The following TNPO3 variants were observed in gnomAD, a reference collection of about 807,000 sequenced individuals.
The protein encoded by TNPO3 is transportin 3.
A neutral mutation model predicts 122.8 loss-of-function variants in TNPO3; 65 were observed. The ratio of observed to expected loss-of-function variants is 0.53; its 90% CI spans 0.43 to 0.65. The LOEUF (loss-of-function observed/expected upper bound fraction) is 0.65, where lower values mean the gene tolerates loss of function less well. Among genes scored for constraint, TNPO3 ranks in the 30% least tolerant of loss-of-function variants. TNPO3 has a pLI of 0.00. For missense variants in TNPO3, 850 were observed against 1,136.7 expected, an observed-to-expected ratio of 0.75 and a Z score of 3.63; for synonymous variants, 372 against 411.2, an observed-to-expected ratio of 0.90 and a Z score of 1.15.
At chr7:128,977,220 A>G (rs1799151665) in intron 16 of TNPO3, among the ~76,000 whole-genome samples, 1 of 152,172 alleles carries the variant, frequency 6.6e-6, no homozygotes, top group Admixed American at 6.5e-5. Flanking sequence ...TACCTACTCT[A>G]TTGGGTTAGT....
At chr7:129,024,409 A>T (rs1003276459) in intron 1 of TNPO3, among the ~76,000 whole-genome samples, 7 of 152,240 alleles carry the variant, frequency 4.6e-5, no homozygotes, top group Admixed American at 3.3e-4. Flanking sequence ...TGCTGATTTG[A>T]GCCCGCTCAA....
chr7:128,992,067 G>A lies in TNPO3; in HGVS notation c.1290C>T (p.Gly430=). The change falls in exon 10 of 23, where the codon GGC becomes GGT. Residue 430 remains glycine, a synonymous_variant. Coordinates refer to ENST00000265388, the MANE Select transcript of TNPO3 (RefSeq NM_012470.4). The part of the protein sequence containing the change: ...FAQLYSTLKE[G]NPPWEVTEAV... ...CTTCTGTCACCTCCCAGGGTGGGTT[G>A]CCTTCTTTCAGAGTAGAATATAACT... 1 of 1,606,222 alleles carries A rather than the reference G, an allele frequency of 6.2e-7. No homozygotes were observed. Among genetic ancestry groups the A allele is most frequent in the Non-Finnish European group, 8.5e-7 (1 of 1,176,088 alleles).
intron 1 of TNPO3, among the ~76,000 whole-genome samples, chr7:129,038,205 G>A (rs181432772): frequency 6.6e-6 from 1 of 152,266 alleles, no homozygotes; most frequent in Non-Finnish European, 1.5e-5. Flanking sequence ...AGAAGACATG[G>A]AGAGGTAGAG....
intron 21 of TNPO3, among the ~76,000 whole-genome samples, chr7:128,965,407 G>A (rs1797838996): frequency 6.6e-6 from 1 of 152,172 alleles, no homozygotes; most frequent in African/African-American, 2.4e-5. Context: ...GGTGTGAAAT[G>A]CTAAGATGGC....
chr7:129,033,852 G>T (rs964662249), intron 1 of TNPO3, among the ~76,000 whole-genome samples: 2 of 150,128 alleles, frequency 1.3e-5, no homozygotes, highest in African/African-American at 4.9e-5. Flanking sequence ...GGCCAAGGTT[G>T]CAGTGAACCA....
At chr7:129,035,950 C>CTTTTTTTTTTTTTTTTTT (rs71162551) in intron 1 of TNPO3, among the ~76,000 whole-genome samples, 1 of 119,938 alleles carries the variant, frequency 8.3e-6, no homozygotes, top group African/African-American at 3.0e-5. Context: ...CTTTTCTTTT[C>CTTTTTTTTTTTTTTTTTT]TTTTTTTTTT....
At position 128,975,941 on chromosome 7, in the gene TNPO3, G is replaced by A; in HGVS notation, c.2062-6C>T. ...ACGTGGTACACATTCACCATCTGTT[G>A]AGGGAAAAAACAATTAGTTCAATGC... On this transcript the variant is annotated splice_polypyrimidine_tract_variant and splice_region_variant and intron_variant, in intron 16 of 22. Transcript: ENST00000265388. 1 of 1,595,474 alleles carries A rather than the reference G, an allele frequency of 6.3e-7. No homozygotes were observed.
At chr7:129,039,387 C>T (rs1252879087) in intron 1 of TNPO3, among the ~76,000 whole-genome samples, 1 of 152,032 alleles carries the variant, frequency 6.6e-6, no homozygotes, top group Admixed American at 6.6e-5. Flanking sequence ...CATAGTGAAA[C>T]CCCATCTCTA....
At chr7:128,975,696 A>C in intron 17 of TNPO3, 123 bp downstream of exon 17, 4 of 670,164 alleles carry the variant, frequency 6.0e-6, no homozygotes, top group Non-Finnish European at 1.0e-5. Context: ...TGTTATTAGG[A>C]AATCAACATG....
chr7:128,961,428 C>G (rs368492856), intron 21 of TNPO3, among the ~76,000 whole-genome samples: 1 of 152,098 alleles, frequency 6.6e-6, no homozygotes, highest in African/African-American at 2.4e-5. Flanking sequence ...CTATATAGAC[C>G]AGGTGTCCGG....
In TNPO3 at chr7:129,018,022, A is replaced by C; in HGVS notation, c.256T>G (p.Leu86Val). The C allele has an allele frequency of 6.2e-7, 1 of 1,614,146 alleles. No homozygotes were observed. Among genetic ancestry groups the C allele is most frequent in the Non-Finnish European group, 8.5e-7 (1 of 1,180,012 alleles). The change falls in exon 2 of 23, where the codon TTA becomes GTA. Residue 86 changes from leucine (L) to valine (V), a missense_variant. By Grantham distance (32) the Leu-to-Val change is conservative. Coordinates refer to ENST00000265388, the MANE Select transcript of TNPO3 (RefSeq NM_012470.4). ...YELPTDSHAS[L>V]RDSLLTHIQN... ...ATATGGGTTAGCAATGAGTCCCGTA[A>C]AGAGGCATGAGAGTCTGTGGGGAGC...
chr7:128,992,706 AG>A (rs1800871500), intron 9 of TNPO3, among the ~76,000 whole-genome samples: 1 of 152,240 alleles, frequency 6.6e-6, no homozygotes, highest in African/African-American at 2.4e-5. Flanking sequence ...AGACACTGCT[AG>A]GAAAGGCAAA....
At position 129,000,411 on chromosome 7, in the gene TNPO3, G is replaced by A; in HGVS notation, c.1011+18C>T. ...CACAACTTGGAGAATAATGGCCTTT[G>A]AATAGCATAAACACTACCTCATATT... On this transcript the variant is annotated intron_variant, in intron 7 of 22. Coordinates refer to ENST00000265388, the MANE Select transcript of TNPO3 (RefSeq NM_012470.4). 2 of 1,590,442 alleles carry A rather than the reference G, an allele frequency of 1.3e-6. No individual in the cohort carries two copies. The highest frequency in any genetic ancestry group is 1.7e-6 in the Non-Finnish European group (2 of 1,166,720).
intron 15 of TNPO3, 101 bp downstream of exon 15, chr7:128,979,870 C>A: frequency 1.9e-6 from 2 of 1,039,750 alleles, no homozygotes; most frequent in East Asian, 4.8e-5. Flanking sequence ...CTGAATCTCC[C>A]TATGAACTTG....
chr7:128,991,383 C>T (rs888318834), intron 10 of TNPO3, among the ~76,000 whole-genome samples: 1 of 152,118 alleles, frequency 6.6e-6, no homozygotes, highest in South Asian at 2.1e-4. Context: ...CACAATTCAG[C>T]GTGGCAGATA....
intron 21 of TNPO3, among the ~76,000 whole-genome samples, chr7:128,964,017 A>G (rs758100659): frequency 1.5e-4 from 23 of 152,228 alleles, no homozygotes; most frequent in Non-Finnish European, 1.0e-4. Flanking sequence ...TTATAATAAA[A>G]CAGCTCTTTA....
intron 14 of TNPO3, among the ~76,000 whole-genome samples, chr7:128,981,469 T>C (rs1254667528): frequency 1.3e-5 from 2 of 152,160 alleles, no homozygotes; most frequent in East Asian, 3.9e-4. Context: ...ACCCATACAC[T>C]ATATACAGCG....
intron 6 of TNPO3, among the ~76,000 whole-genome samples, 164 bp from the exon 7 acceptor site, chr7:129,000,731 G>C (rs1801853231): frequency 6.6e-6 from 1 of 152,128 alleles, no homozygotes; most frequent in African/African-American, 2.4e-5. Flanking sequence ...CCTTTACCTA[G>C]ATCGTACACT....
chr7:128,979,990 C>T lies in TNPO3; in HGVS notation c.1901G>A (p.Cys634Tyr), dbSNP rs1421349497. Residue 634 changes from cysteine to tyrosine, a missense_variant, in exon 15 of 23, where the codon TGT becomes TAT. Cys to Tyr is a radical substitution (Grantham distance 194). Transcript: ENST00000265388. ...ACTTACTTCCTGTATGACTTTCTGA[C>T]ACGGATGAGTCTGTCCATTTTCCAC... ...PIVENGQTHP[C>Y]QKVIQEIWPV... The T allele has an allele frequency of 6.2e-7, 1 of 1,614,100 alleles. No homozygotes were observed. The highest frequency in any genetic ancestry group is 1.7e-5 in the Admixed American group (1 of 60,024).
Sources: allele counts gnomAD v4.1 joint callset (sites outside exome capture counted in the v4.1 genomes callset), GRCh38; gene constraint gnomAD v4.1.1; transcripts MANE v1.5; gene names NCBI Gene and HGNC (gene_info 2026-07-23, HGNC 2026-07-21).